SNX14: variants seen among roughly 807,000 people sequenced by gnomAD.
SNX14 encodes sorting nexin-14.
In SNX14, 93 loss-of-function variants were observed where a neutral mutation model predicts 133.8. The observed-to-expected ratio is 0.70, with a 90% CI of 0.59 to 0.83. The LOEUF is 0.83. SNX14 is among the 40% of genes least tolerant of loss of function. The pLI is 0.00. For synonymous variants in SNX14, 368 were observed against 365.6 expected, an observed-to-expected ratio of 1.01 and a Z score of -0.07; for missense variants, 945 against 1,094.9, an observed-to-expected ratio of 0.86 and a Z score of 1.93.
chr6:85,548,464 T>C lies in SNX14; in HGVS notation c.792-88A>G, dbSNP rs1786527017. On this transcript the variant is annotated intron_variant, in intron 8 of 28. Coordinates refer to ENST00000314673, the MANE Select transcript of SNX14 (RefSeq NM_153816.6). ...AGTGCATGTGAATTACGTAAGGATCTTGTTAAAATGGAGACTATAATTCAG... is the reference window on the plus strand; with the variant it reads ...AGTGCATGTGAATTACGTAAGGATCCTGTTAAAATGGAGACTATAATTCAG... 4.0e-6 allele frequency: 4 copies of C among 1,007,752 alleles called. No individual in the cohort carries two copies. In the South Asian group the frequency reaches 6.6e-5, roughly 17 times the overall value. 62.4% of individuals were successfully genotyped at this position (1,007,752 alleles called of 1,614,324 possible). A position where few individuals can be genotyped will look rare whatever the true frequency, so the allele number is the denominator to read the frequency against.
At chr6:85,520,532 G>GT (rs892789120) in intron 21 of SNX14, among the ~76,000 whole-genome samples, 19 of 151,072 alleles carry the variant, frequency 1.3e-4, no homozygotes, top group African/African-American at 4.6e-4. Context: ...TAATTTTTGT[G>GT]TTTTTAGTAG....
In SNX14 at chr6:85,536,845, T is replaced by C. The variant is rs765300723; in HGVS notation, c.1555A>G (p.Met519Val). 1.2e-6 allele frequency: 2 copies of C among 1,613,510 alleles called. No homozygotes were observed. Among genetic ancestry groups the C allele is most frequent in the East Asian group, 2.2e-5 (1 of 44,740 alleles). ...KIKGVFKSTT[M>V]EGAMLPNYGV... ...TAATTAGGCAACATAGCTCCCTCCA[T>C]TGTGGTACTTTTGAATACTCCTTTA... is the stretch of plus-strand genomic sequence containing the variant. The change falls in exon 17 of 29, where the codon ATG (methionine) becomes GTG (valine). Residue 519 changes from methionine to valine, a missense_variant. Physicochemically the swap from Met to Val is conservative, Grantham distance 21. Around this residue, in one of 3 missense-constraint regions of SNX14, gnomAD observed 412 missense variants for 516.6 expected, o/e 0.80. Coordinates refer to ENST00000314673, the MANE Select transcript of SNX14 (RefSeq NM_153816.6).
intron 1 of SNX14, among the ~76,000 whole-genome samples, chr6:85,585,391 AAAAC>A (rs1236619912): frequency 6.6e-6 from 1 of 152,178 alleles, no homozygotes; most frequent in Non-Finnish European, 1.5e-5. Context: ...TAATTAAAAA[AAAAC>A]AAACAACAAC....
rs373360754 is a variant in SNX14 at position 85,586,992 on chromosome 6, G to A, written c.140+6587C>T. 1.1e-4 allele frequency among the ~76,000 whole-genome samples: 16 copies of A among 152,210 alleles called. No homozygotes were observed. The East Asian group carries it at 2.1e-3, about 20-fold the overall frequency. On this transcript the variant is annotated intron_variant, in intron 1 of 28. Coordinates refer to ENST00000314673, the MANE Select transcript of SNX14 (RefSeq NM_153816.6). Reference sequence around the variant, plus strand: ...ACTGAAGAAGTGGAGATTGCAATGAGCCAAGATCACGCCACTGCACTCCAG... The same window carrying A: ...ACTGAAGAAGTGGAGATTGCAATGAACCAAGATCACGCCACTGCACTCCAG...
intron 7 of SNX14, among the ~76,000 whole-genome samples, chr6:85,557,658 G>A (rs1180666316): frequency 2.0e-5 from 3 of 152,114 alleles, no homozygotes; most frequent in Non-Finnish European, 4.4e-5. Context: ...TATAAAGGAT[G>A]GGCTAGAATA....
rs760527415 is a variant in SNX14, at chr6:85,518,019, G to A, written c.2137C>T (p.Leu713=). The change falls in exon 22 of 29, where the codon CTA becomes TTA. Residue 713 remains leucine (L), a synonymous_variant. Transcript: ENST00000314673. ...GKIIKSVPGK[L]MKEKGQHLEP... ...AATCAGTTACTCACCTCTTTCATTA[G>A]TTTTCCAGGAACAGATTTTATAATT... 9 of 1,604,374 alleles carry A rather than the reference G, an allele frequency of 5.6e-6. No individual in the cohort carries two copies. Among genetic ancestry groups the A allele is most frequent in the Non-Finnish European group, 7.7e-6 (9 of 1,174,440 alleles).
intron 1 of SNX14, among the ~76,000 whole-genome samples, chr6:85,585,821 GAAAT>G (rs1255410948): frequency 1.3e-5 from 2 of 151,932 alleles, no homozygotes; most frequent in African/African-American, 4.8e-5. Flanking sequence ...ACTGATTCAA[GAAAT>G]AAATAAATGG....
intron 1 of SNX14, among the ~76,000 whole-genome samples, chr6:85,575,495 TTG>T (rs1210303090): frequency 6.6e-6 from 1 of 152,058 alleles, no homozygotes; most frequent in Non-Finnish European, 1.5e-5. Flanking sequence ...AACCATGGAG[TTG>T]TGTTACCTCC....
At chr6:85,519,641 C>T (rs1490277158) in intron 21 of SNX14, among the ~76,000 whole-genome samples, 5 of 152,238 alleles carry the variant, frequency 3.3e-5, no homozygotes, top group Admixed American at 6.5e-5. Flanking sequence ...GAGGCCGAGG[C>T]GGGCGGATCC....
chr6:85,555,439 T>C (rs1251791378), intron 7 of SNX14, among the ~76,000 whole-genome samples: 1 of 152,152 alleles, frequency 6.6e-6, no homozygotes, highest in Admixed American at 6.5e-5. Flanking sequence ...AAGATAGAGG[T>C]TAAATGTATA....
chr6:85,574,511 A>T (rs1583049853), intron 1 of SNX14, 133 bp from the exon 2 acceptor site: 2 of 555,452 alleles, frequency 3.6e-6, no homozygotes, highest in East Asian at 6.0e-5. Context: ...ATTATGATTA[A>T]TTTTTTGTAA....
chr6:85,588,496 G>A (rs1562021494), intron 1 of SNX14, among the ~76,000 whole-genome samples: 1 of 152,166 alleles, frequency 6.6e-6, no homozygotes, highest in Admixed American at 6.5e-5. Context: ...AGAATGGCAT[G>A]AACCCGGGAG....
At chr6:85,542,134 A>G (rs912067181) in intron 14 of SNX14, 91 bp from the exon 15 acceptor site, 65 of 357,542 alleles carry the variant, frequency 1.8e-4, no homozygotes, top group Middle Eastern at 1.1e-3. Context: ...CAGTTTTGGG[A>G]AAAAAAAAAA....
intron 26 of SNX14, among the ~76,000 whole-genome samples, chr6:85,508,787 T>C (rs1257801301): frequency 6.6e-6 from 1 of 151,952 alleles, no homozygotes; most frequent in Non-Finnish European, 1.5e-5. Context: ...GAAAAGTCAA[T>C]CCTTATTAAG....
intron 17 of SNX14, among the ~76,000 whole-genome samples, chr6:85,536,054 C>T (rs773293425): frequency 1.4e-4 from 21 of 152,016 alleles, no homozygotes; most frequent in South Asian, 4.1e-4. Flanking sequence ...AATCATAACA[C>T]GTAACTTGAA....
chr6:85,532,879 T>C (rs1025687485), intron 18 of SNX14, among the ~76,000 whole-genome samples: 6 of 152,132 alleles, frequency 3.9e-5, no homozygotes, highest in African/African-American at 1.4e-4. Flanking sequence ...GTTTTAACCA[T>C]ATTTTCATCA....
At position 85,523,100 on chromosome 6, in the gene SNX14, T is replaced by C. The variant is rs140875671; in HGVS notation, c.2107+3026A>G. Among the ~76,000 whole-genome samples, 24 of 152,216 alleles carry C rather than the reference T, an allele frequency of 1.6e-4. No homozygotes were observed. The East Asian group carries it at 2.9e-3, about 18-fold the overall frequency. On this transcript the variant is annotated intron_variant, in intron 21 of 28. Transcript: ENST00000314673. ...ACAAAGGCATTGGAGCAAAAGAATATAGGGGATTCAATTTTGCTAAAGTAT... is the reference window on the plus strand; with the variant it reads ...ACAAAGGCATTGGAGCAAAAGAATACAGGGGATTCAATTTTGCTAAAGTAT...
In SNX14 at chr6:85,593,571, G is replaced by C; in HGVS notation, c.140+8C>G. 1 of 1,606,762 alleles carries C rather than the reference G, an allele frequency of 6.2e-7. No individual in the cohort carries two copies. Among genetic ancestry groups the C allele is most frequent in the Non-Finnish European group, 8.5e-7 (1 of 1,177,100 alleles). ...AGCCGCCGCCCAGGCTCCGCGCTGC[G>C]GCGTTACCTGTTAAGAAGCAGGGAG... On this transcript the variant is annotated splice_region_variant and intron_variant, in intron 1 of 28. Coordinates refer to ENST00000314673, the MANE Select transcript of SNX14 (RefSeq NM_153816.6).
At chr6:85,583,265 A>G (rs1799610383) in intron 1 of SNX14, among the ~76,000 whole-genome samples, 2 of 152,210 alleles carry the variant, frequency 1.3e-5, no homozygotes, top group Admixed American at 6.5e-5. Flanking sequence ...TCTCAAAATA[A>G]TAAGAGTTAT....
Sources: gnomAD v4.1 joint callset for allele counts (sites outside exome capture counted in the v4.1 genomes callset) on GRCh38, gnomAD v4.1.1 for gene constraint, gnomAD v4.1.1 regional missense constraint, MANE v1.5 for transcripts, NCBI Gene and HGNC (gene_info 2026-07-23, HGNC 2026-07-21) for gene names.